PTPRG: variants seen among roughly 807,000 people sequenced by gnomAD.
The protein encoded by PTPRG is protein tyrosine phosphatase receptor type G, also known as receptor-type tyrosine-protein phosphatase gamma.
PTPRG carries 102 observed loss-of-function variants against 165.3 expected under a neutral mutation model. The observed-to-expected ratio is 0.62, with a 90% CI of 0.53 to 0.73. The LOEUF is 0.73. Among genes scored for constraint, PTPRG ranks in the 30% least tolerant of loss-of-function variants. The probability of loss-of-function intolerance (pLI) is 0.00; values close to 1 mark genes in which losing one functional copy is unlikely to be tolerated. For missense variants in PTPRG, 1,866 were observed against 1,861.4 expected, an observed-to-expected ratio of 1.00 and a Z score of -0.05; for synonymous variants, 675 against 669.5, an observed-to-expected ratio of 1.01 and a Z score of -0.13.
chr3:61,711,088 A>T (rs2031527905), intron 1 of PTPRG, among the ~76,000 whole-genome samples: 1 of 152,202 alleles, frequency 6.6e-6, no homozygotes, highest in Non-Finnish European at 1.5e-5. Flanking sequence ...ATGTCCCTGC[A>T]ACGGACATAA....
chr3:62,024,951 G>A (rs2041773215), intron 4 of PTPRG, among the ~76,000 whole-genome samples: 1 of 152,196 alleles, frequency 6.6e-6, no homozygotes, highest in Admixed American at 6.5e-5. Context: ...GAAGCAGGTT[G>A]CTGCCTCTGT....
At chr3:62,258,202 C>A (rs1448433389) in intron 16 of PTPRG, among the ~76,000 whole-genome samples, 2 of 152,074 alleles carry the variant, frequency 1.3e-5, no homozygotes, top group African/African-American at 2.4e-5. Context: ...AAAATCTTAT[C>A]CAACATGTAG....
intron 2 of PTPRG, among the ~76,000 whole-genome samples, chr3:61,773,237 A>G (rs1271029407): frequency 6.6e-6 from 1 of 152,206 alleles, no homozygotes; most frequent in Admixed American, 6.5e-5. Context: ...AAAAAAAGTG[A>G]CAAAGACCAT....
chr3:61,870,401 C>T (rs2037532630), intron 2 of PTPRG, among the ~76,000 whole-genome samples: 1 of 149,626 alleles, frequency 6.7e-6, no homozygotes, highest in South Asian at 2.1e-4. Flanking sequence ...CAGCCTCCAC[C>T]TCCTGGGTTC....
At chr3:62,281,537 G>GATTTTTTTTTTTT in intron 26 of PTPRG, 26 bp from the exon 27 acceptor site, 1 of 174,778 alleles carries the variant, frequency 5.7e-6, no homozygotes, top group African/African-American at 1.3e-4. Flanking sequence ...AACTGCAGAG[G>GATTTTTTTTTTTT]CTTTTTTTTT....
Position 62,257,533 on chromosome 3 carries a change from G to A in PTPRG, c.2559+2318G>A, listed in dbSNP as rs550169281. ...TTATTGTCCCCATTTTACTGATGACGAAACTACCCATGAGAAAACTGAGGC... is the reference window on the plus strand; with the variant it reads ...TTATTGTCCCCATTTTACTGATGACAAAACTACCCATGAGAAAACTGAGGC... On this transcript the variant is annotated intron_variant, in intron 16 of 29. Transcript: ENST00000474889. 6.6e-5 allele frequency among the ~76,000 whole-genome samples: 10 copies of A among 152,184 alleles called. No homozygotes were observed. The South Asian group carries it at 1.2e-3, about 19-fold the overall frequency.
At chr3:61,838,979 A>G (rs940709853) in intron 2 of PTPRG, among the ~76,000 whole-genome samples, 3 of 152,212 alleles carry the variant, frequency 2.0e-5, no homozygotes, top group African/African-American at 7.2e-5. Flanking sequence ...CATATTAATT[A>G]AAATGTCTGC....
intron 1 of PTPRG, among the ~76,000 whole-genome samples, chr3:61,736,431 T>G (rs1348809823): frequency 6.6e-6 from 1 of 150,734 alleles, no homozygotes; most frequent in Non-Finnish European, 1.5e-5. Flanking sequence ...TGTATTTGGC[T>G]TGATTCTCAT....
At chr3:61,673,821 G>T (rs1575581022) in intron 1 of PTPRG, among the ~76,000 whole-genome samples, 1 of 152,152 alleles carries the variant, frequency 6.6e-6, no homozygotes, top group Non-Finnish European at 1.5e-5. Flanking sequence ...CATTCCTTAT[G>T]TTAAGATGTG....
intron 1 of PTPRG, among the ~76,000 whole-genome samples, chr3:61,601,682 A>T (rs1465470630): frequency 6.6e-6 from 1 of 152,224 alleles, no homozygotes; most frequent in Non-Finnish European, 1.5e-5. Context: ...GAAAAGTGAC[A>T]AAACCAACAA....
intron 2 of PTPRG, among the ~76,000 whole-genome samples, chr3:61,922,474 CTGTGTGAGTGTGTGTG>C (rs956199540): frequency 6.6e-6 from 1 of 152,066 alleles, no homozygotes; most frequent in African/African-American, 2.4e-5. Context: ...AGGAATGTGT[CTGTGTGAGTGTGTGTG>C]TGTGTACGCT....
chr3:61,831,034 T>TCAAAA (rs2036275227), intron 2 of PTPRG, among the ~76,000 whole-genome samples: 1 of 152,236 alleles, frequency 6.6e-6, no homozygotes, highest in African/African-American at 2.4e-5. Context: ...AGCCTTAGCT[T>TCAAAA]GTACTGTCTG....
intron 1 of PTPRG, among the ~76,000 whole-genome samples, chr3:61,588,797 C>T (rs1466116815): frequency 1.3e-5 from 2 of 152,170 alleles, no homozygotes; most frequent in Non-Finnish European, 2.9e-5. Flanking sequence ...AAAATATATA[C>T]ACACACATAC....
chr3:62,061,713 C>G (rs142923862), intron 4 of PTPRG, among the ~76,000 whole-genome samples: 1 of 151,300 alleles, frequency 6.6e-6, no homozygotes, highest in African/African-American at 2.4e-5. Context: ...ACTGCAATCT[C>G]TGCCTCCTGG....
intron 6 of PTPRG, among the ~76,000 whole-genome samples, chr3:62,143,945 A>G (rs1704022843): frequency 6.6e-6 from 1 of 152,256 alleles, no homozygotes; most frequent in South Asian, 2.1e-4. Flanking sequence ...GAAAACACAG[A>G]GAAAAGAAGG....
At chr3:61,776,801 C>T (rs1559605903) in intron 2 of PTPRG, among the ~76,000 whole-genome samples, 1 of 152,058 alleles carries the variant, frequency 6.6e-6, no homozygotes. Flanking sequence ...TTAAAGTCCT[C>T]CCTGTCTTTA....
intron 4 of PTPRG, among the ~76,000 whole-genome samples, chr3:62,005,821 G>C (rs1402625194): frequency 7.1e-6 from 1 of 141,784 alleles, no homozygotes; most frequent in African/African-American, 2.6e-5. Context: ...TCCTGCCCCA[G>C]CTTCCCAGGA....
intron 2 of PTPRG, among the ~76,000 whole-genome samples, chr3:61,904,001 G>T (rs2107526428): frequency 6.6e-6 from 1 of 152,246 alleles, no homozygotes; most frequent in South Asian, 2.1e-4. Flanking sequence ...TCAGGTATTG[G>T]CAGGAAGAGA....
intron 1 of PTPRG, among the ~76,000 whole-genome samples, chr3:61,632,730 T>G (rs1701802636): frequency 6.6e-6 from 1 of 152,204 alleles, no homozygotes; most frequent in African/African-American, 2.4e-5. Context: ...AAGCATGTGT[T>G]TAAGTTGAGC....
Sources: gnomAD v4.1 joint callset for allele counts (sites outside exome capture counted in the v4.1 genomes callset) on GRCh38, gnomAD v4.1.1 for gene constraint, MANE v1.5 for transcripts, NCBI Gene and HGNC (gene_info 2026-07-23, HGNC 2026-07-21) for gene names.